Variants in AHCYL1 observed in about 807,000 individuals in gnomAD.
AHCYL1 encodes the protein adenosylhomocysteinase like 1.
In AHCYL1, 20 loss-of-function variants were observed where a neutral mutation model predicts 79.3. That is an observed-to-expected ratio of 0.25 (90% CI 0.18 to 0.37). AHCYL1 has a LOEUF of 0.37. Among genes scored for constraint, AHCYL1 ranks in the 10% least tolerant of loss-of-function variants. The pLI is 1.00. For missense variants in AHCYL1, 330 were observed against 673.6 expected (o/e 0.49, Z 5.65); for synonymous variants, 223 against 242.2 (o/e 0.92, Z 0.74).
chr1:110,001,362 A>C (rs1570861113), intron 1 of AHCYL1, among the ~76,000 whole-genome samples: 1 of 151,788 alleles, frequency 6.6e-6, no homozygotes, highest in Non-Finnish European at 1.5e-5. Flanking sequence ...AATTTTTGTA[A>C]TTTTAGTAGA....
At chr1:110,008,726 G>C (rs981299353) in intron 1 of AHCYL1, among the ~76,000 whole-genome samples, 5 of 152,048 alleles carry the variant, frequency 3.3e-5, no homozygotes, top group African/African-American at 1.2e-4. Flanking sequence ...GTTATAAGAG[G>C]GGAAAAAAAC....
chr1:110,004,959 C>T (rs536203509), intron 1 of AHCYL1, among the ~76,000 whole-genome samples: 5 of 152,242 alleles, frequency 3.3e-5, no homozygotes, highest in African/African-American at 1.2e-4. Flanking sequence ...TAATGATGAT[C>T]TTGTTAAAAT....
Position 110,023,110 on chromosome 1 carries a change from A to C in AHCYL1, c.*1430A>C. ...GGATTTTAAATCCTCAACTTGTTCT[A>C]GCTTGTGATCCCTCAAAGTTGGGTC... On this transcript the variant is annotated 3_prime_UTR_variant, in exon 17 of 17. Transcript: ENST00000369799. The C allele has an allele frequency of 6.6e-6, 1 of 152,638 alleles. No homozygotes were observed. The highest frequency in any genetic ancestry group is 2.4e-5 in the African/African-American group (1 of 41,454). The allele number at this position is 152,638 out of a possible 1,614,324, so 9.5% of individuals were successfully genotyped here.
In AHCYL1 at chr1:110,020,074, A is replaced by G. The variant is rs147978241; in HGVS notation, c.1465+448A>G. Among the ~76,000 whole-genome samples the G allele has an allele frequency of 7.1e-3, 1,088 of 152,300 alleles. 10 individuals are homozygous for G. The highest frequency in any genetic ancestry group is 0.016 in the African/African-American group (664 of 41,548). On this transcript the variant is annotated intron_variant, in intron 15 of 16. Transcript: ENST00000369799. The stretch of plus-strand genomic sequence containing the variant: ...TCATGTGACATAATACATCATCTCT[A>G]GTCCTTTGCCTTTCTGCACGGTGTA...
intron 1 of AHCYL1, among the ~76,000 whole-genome samples, chr1:109,998,932 G>T (rs1570856923): frequency 6.6e-6 from 1 of 152,160 alleles, no homozygotes; most frequent in African/African-American, 2.4e-5. Context: ...TGGGAAGATT[G>T]CTCAAGGCGA....
rs918690691 is a variant in AHCYL1 at position 110,004,022 on chromosome 1, T to G, written c.121-5012T>G. The G allele has an allele frequency of 5.4e-5, 53 of 985,294 alleles. No individual in the cohort carries two copies. The African/African-American group carries it at 8.9e-4, about 17-fold the overall frequency. 61.0% of individuals were successfully genotyped at this position (985,294 alleles called of 1,614,324 possible). A position where few individuals can be genotyped will look rare whatever the true frequency, so the allele number is the denominator to read the frequency against. ...TGGCAGAGTTTTTCAAGCTGTGTGT[T>G]CCTTACCTTTTAAGTGACTCAGCAG... On this transcript the variant is annotated intron_variant, in intron 1 of 16. Transcript: ENST00000369799.
intron 1 of AHCYL1, among the ~76,000 whole-genome samples, chr1:109,996,614 A>G (rs1213941045): frequency 6.6e-6 from 1 of 152,228 alleles, no homozygotes; most frequent in East Asian, 1.9e-4. Context: ...ACATTCTGTA[A>G]ACTGTGCCCT....
chr1:110,003,612 A>T (rs1327953614), intron 1 of AHCYL1, among the ~76,000 whole-genome samples: 2 of 151,578 alleles, frequency 1.3e-5, no homozygotes. Flanking sequence ...TTTTTTTTTT[A>T]AACCTAGAAT....
At chr1:110,008,005 G>C (rs1453719366) in intron 1 of AHCYL1, among the ~76,000 whole-genome samples, 2 of 145,474 alleles carry the variant, frequency 1.4e-5, no homozygotes, top group African/African-American at 5.0e-5. Context: ...TTTCATTTAA[G>C]GAAGTTTTTT....
intron 1 of AHCYL1, among the ~76,000 whole-genome samples, chr1:110,001,218 G>A (rs1049077878): frequency 6.6e-6 from 1 of 150,572 alleles, no homozygotes; most frequent in Non-Finnish European, 1.5e-5. Context: ...ACGGAGTCTC[G>A]CTCTGTTGCC....
chr1:109,994,020 C>A (rs1349052023), intron 1 of AHCYL1, among the ~76,000 whole-genome samples: 1 of 152,230 alleles, frequency 6.6e-6, no homozygotes, highest in Non-Finnish European at 1.5e-5. Flanking sequence ...TACTCTGCAA[C>A]CCTGGCTGCC....
chr1:109,993,151 T>G (rs1474512537), intron 1 of AHCYL1, among the ~76,000 whole-genome samples: 2 of 152,208 alleles, frequency 1.3e-5, no homozygotes, highest in Admixed American at 6.5e-5. Flanking sequence ...TTATCTCAAC[T>G]CTACTGCTCT....
chr1:110,014,991 T>TCAAGCTAAATAGGTATCA, intron 6 of AHCYL1, 134 bp downstream of exon 6: 1 of 810,976 alleles, frequency 1.2e-6, no homozygotes, highest in East Asian at 2.7e-5. Context: ...TTTAGCTTGA[T>TCAAGCTAAATAGGTATCA]ACCTATTCAG....
chr1:110,004,998 T>G (rs949920993), intron 1 of AHCYL1, among the ~76,000 whole-genome samples: 2 of 152,224 alleles, frequency 1.3e-5, no homozygotes, highest in Non-Finnish European at 2.9e-5. Context: ...ACTTTTTTTT[T>G]GCTCAGTTGC....
At chr1:109,985,271 G>T in intron 1 of AHCYL1, 99 bp downstream of exon 1, 2 of 1,466,552 alleles carry the variant, frequency 1.4e-6, no homozygotes, top group South Asian at 1.3e-5. Context: ...TTCTGGGGGT[G>T]ACTGGGGACG....
chr1:110,015,774 G>A (rs1651379341), intron 7 of AHCYL1, among the ~76,000 whole-genome samples: 1 of 152,096 alleles, frequency 6.6e-6, no homozygotes, highest in Non-Finnish European at 1.5e-5. Context: ...AGTGTTGAGG[G>A]GCGGGTAGGG....
rs1651434996 is a variant in AHCYL1, at chr1:110,016,579, T to C, written c.900-88T>C. 4.4e-6 allele frequency: 7 copies of C among 1,584,510 alleles called. No homozygotes were observed. In the South Asian group the frequency reaches 5.6e-5, roughly 13 times the overall value. On this transcript the variant is annotated intron_variant, in intron 8 of 16. Transcript: ENST00000369799. The stretch of plus-strand genomic sequence containing the variant: ...AACCAGCTTCCAATTGATATTCTCA[T>C]GGGCATTGGCCCACACTTTTAACTT...
At chr1:109,988,837 G>A (rs1570840676) in intron 1 of AHCYL1, among the ~76,000 whole-genome samples, 1 of 152,218 alleles carries the variant, frequency 6.6e-6, no homozygotes, top group Non-Finnish European at 1.5e-5. Flanking sequence ...AAAAGGGTCA[G>A]CTGAGACTTA....
chr1:109,993,066 G>A (rs1649849584), intron 1 of AHCYL1, among the ~76,000 whole-genome samples: 1 of 152,112 alleles, frequency 6.6e-6, no homozygotes, highest in Non-Finnish European at 1.5e-5. Flanking sequence ...CATTATAAGT[G>A]CCTTGAGAGT....
Sources: gnomAD v4.1 joint callset for allele counts (sites outside exome capture counted in the v4.1 genomes callset) on GRCh38, gnomAD v4.1.1 for gene constraint, MANE v1.5 for transcripts, NCBI Gene and HGNC (gene_info 2026-07-23, HGNC 2026-07-21) for gene names.